RFC1: variants seen among roughly 807,000 people sequenced by gnomAD.
RFC1 encodes the protein replication factor C subunit 1.
A neutral mutation model predicts 137.4 loss-of-function variants in RFC1; 37 were observed. The ratio of observed to expected loss-of-function variants is 0.27; its 90% CI spans 0.21 to 0.35. The LOEUF (loss-of-function observed/expected upper bound fraction) is 0.35, where lower values mean the gene tolerates loss of function less well. RFC1 is among the 10% of genes least tolerant of loss of function. The pLI is 1.00. For missense variants in RFC1, 1,205 were observed against 1,358.5 expected (o/e 0.89, Z 1.78); for synonymous variants, 429 against 455.7 (o/e 0.94, Z 0.75).
At chr4:39,294,161 C>T (rs556745147) in intron 22 of RFC1, among the ~76,000 whole-genome samples, 4 of 152,254 alleles carry the variant, frequency 2.6e-5, no homozygotes, top group African/African-American at 9.6e-5. Context: ...TTTCTTACAA[C>T]AGCAACAGAA....
intron 21 of RFC1, among the ~76,000 whole-genome samples, chr4:39,298,163 G>T (rs987724917): frequency 1.3e-5 from 2 of 152,076 alleles, no homozygotes; most frequent in Non-Finnish European, 2.9e-5. Flanking sequence ...ACAAAAATTA[G>T]CTGGCATGAT....
At chr4:39,297,646 A>G (rs11934380) in intron 21 of RFC1, 77,628 of 152,218 alleles carry the variant, frequency 0.51, 21,448 homozygotes, top group African/African-American at 0.73. Context: ...TCATCCTTGC[A>G]CAGGGGCCAT....
intron 4 of RFC1, among the ~76,000 whole-genome samples, chr4:39,336,300 T>C (rs574751397): frequency 1.5e-5 from 2 of 129,316 alleles, no homozygotes; most frequent in Admixed American, 8.5e-5. Flanking sequence ...GAAGTCCTAA[T>C]TGTCAAAAAA....
chr4:39,300,141 G>T lies in RFC1; in HGVS notation c.2691-3C>A. On this transcript the variant is annotated splice_polypyrimidine_tract_variant and splice_region_variant and intron_variant, in intron 20 of 24. Transcript: ENST00000349703. ...TCAGGTGCTTTTTCATGTCACCCCT[G>T]CAGGAAAGAACCAGTCTGGATTATC... is the stretch of plus-strand genomic sequence containing the variant. The T allele has an allele frequency of 6.2e-7, 1 of 1,612,902 alleles. No homozygotes were observed. The highest frequency in any genetic ancestry group is 8.5e-7 in the Non-Finnish European group (1 of 1,179,016).
chr4:39,333,691 G>A (rs1560611658), intron 4 of RFC1, among the ~76,000 whole-genome samples: 1 of 152,064 alleles, frequency 6.6e-6, no homozygotes, highest in African/African-American at 2.4e-5. Context: ...GGAGGTTCTT[G>A]TTATGAGCCT....
chr4:39,295,843 C>G (rs768505457), intron 21 of RFC1, 84 bp from the exon 22 acceptor site: 1 of 1,340,338 alleles, frequency 7.5e-7, no homozygotes, highest in Non-Finnish European at 1.0e-6. Flanking sequence ...AAACAGTCTA[C>G]GGAAGATAAA....
chr4:39,310,182 A>G (rs1738896781), intron 12 of RFC1, among the ~76,000 whole-genome samples: 1 of 152,198 alleles, frequency 6.6e-6, no homozygotes, highest in South Asian at 2.1e-4. Flanking sequence ...CCAAACTGAG[A>G]GACATTCCAC....
At chr4:39,361,262 G>A (rs1311653130) in intron 1 of RFC1, among the ~76,000 whole-genome samples, 1 of 151,976 alleles carries the variant, frequency 6.6e-6, no homozygotes, top group Non-Finnish European at 1.5e-5. Context: ...GGTGGCACAT[G>A]CCTGTAATCC....
intron 7 of RFC1, chr4:39,321,583 G>A: frequency 8.3e-6 from 4 of 482,548 alleles, no homozygotes; most frequent in South Asian, 3.1e-5. Flanking sequence ...CAGATGAAAG[G>A]GTATAAAAAT....
At chr4:39,350,000 A>T (rs1045961543) in intron 2 of RFC1, among the ~76,000 whole-genome samples, 2 of 152,238 alleles carry the variant, frequency 1.3e-5, no homozygotes, top group Non-Finnish European at 2.9e-5. Context: ...GCAAAACTCC[A>T]TCTCAAAATA....
intron 22 of RFC1, 77 bp from the exon 23 acceptor site, chr4:39,291,929 T>A: frequency 9.7e-7 from 1 of 1,026,602 alleles, no homozygotes; most frequent in Non-Finnish European, 1.5e-6. Flanking sequence ...AGCACTGAGT[T>A]AATCAGGCAG....
intron 7 of RFC1, among the ~76,000 whole-genome samples, chr4:39,322,972 C>G (rs972597959): frequency 6.6e-6 from 1 of 152,058 alleles, no homozygotes; most frequent in Non-Finnish European, 1.5e-5. Flanking sequence ...GTAGTCTCAG[C>G]TACTCGGGAG....
chr4:39,326,477 C>A, intron 6 of RFC1, 86 bp downstream of exon 6: 1 of 969,192 alleles, frequency 1.0e-6, no homozygotes, highest in Non-Finnish European at 1.6e-6. Flanking sequence ...ATGTAACTTC[C>A]AATGAGGTTC....
At chr4:39,354,073 T>C (rs1331437939) in intron 1 of RFC1, among the ~76,000 whole-genome samples, 1 of 152,220 alleles carries the variant, frequency 6.6e-6, no homozygotes, top group Non-Finnish European at 1.5e-5. Context: ...ACATCCTCCT[T>C]TCTTTCCCTT....
At chr4:39,325,540 G>A (rs1309193389) in intron 6 of RFC1, among the ~76,000 whole-genome samples, 1 of 152,064 alleles carries the variant, frequency 6.6e-6, no homozygotes, top group Non-Finnish European at 1.5e-5. Flanking sequence ...GCACCACCAT[G>A]CCCAGTTGAT....
rs1326050338 is a variant in RFC1 at position 39,291,655 on chromosome 4, G to A, written c.3152C>T (p.Ser1051Leu). 3.1e-6 allele frequency: 5 copies of A among 1,613,198 alleles called. No homozygotes were observed. The highest frequency in any genetic ancestry group is 4.2e-6 in the Non-Finnish European group (5 of 1,179,270). The stretch of plus-strand genomic sequence containing the variant: ...ATGATTTACCTTGGGATCCAGCTTT[G>A]AAAAGGGACTAGGTTTGCCACCCCA... Reference protein sequence around the residue: ...SSWGGKPSPFSKLDPKVKAAF... With the variant: ...SSWGGKPSPFLKLDPKVKAAF... The change falls in exon 23 of 25, where the codon TCA becomes TTA. Residue 1051 changes from serine (S) to leucine (L), a missense_variant. By Grantham distance (145) the Ser-to-Leu change is moderately radical. This residue lies in a region of RFC1 where 237 missense variants were observed against 304.2 expected (regional missense o/e 0.78). Coordinates refer to ENST00000349703, the MANE Select transcript of RFC1 (RefSeq NM_002913.5).
chr4:39,308,072 G>A lies in RFC1; in HGVS notation c.1885+564C>T, dbSNP rs78436834. Among the ~76,000 whole-genome samples the A allele has an allele frequency of 2.4e-3, 366 of 152,222 alleles. 5 individuals carry two copies. The East Asian group carries it at 0.047, about 20-fold the overall frequency. ...GAAACTACAGAAGCACAGGCCTATCGGGCCTGCCACAGCAAATCGTGCTTG... is the reference window on the plus strand; with the variant it reads ...GAAACTACAGAAGCACAGGCCTATCAGGCCTGCCACAGCAAATCGTGCTTG... On this transcript the variant is annotated intron_variant, in intron 13 of 24. Transcript: ENST00000349703.
chr4:39,328,400 T>C (rs1286649517), intron 4 of RFC1, among the ~76,000 whole-genome samples: 1 of 152,142 alleles, frequency 6.6e-6, no homozygotes, highest in Non-Finnish European at 1.5e-5. Flanking sequence ...AAATATACAC[T>C]GTCAAGTTAA....
At chr4:39,298,403 T>C (rs1738153510) in intron 21 of RFC1, among the ~76,000 whole-genome samples, 1 of 152,016 alleles carries the variant, frequency 6.6e-6, no homozygotes, top group South Asian at 2.1e-4. Flanking sequence ...AAGAGAAGCA[T>C]TAGGCTTTCT....
Sources: allele counts gnomAD v4.1 joint callset (sites outside exome capture counted in the v4.1 genomes callset), GRCh38; gene constraint gnomAD v4.1.1; regional missense constraint gnomAD v4.1.1; transcripts MANE v1.5; gene names NCBI Gene and HGNC (gene_info 2026-07-23, HGNC 2026-07-21).